Variants in ARID1B observed in about 807,000 individuals in gnomAD.
ARID1B encodes AT-rich interaction domain 1B, also known as AT-rich interactive domain-containing protein 1B.
In ARID1B, 30 loss-of-function variants were observed where a neutral mutation model predicts 212.3. That is an observed-to-expected ratio of 0.14 (90% CI 0.11 to 0.19). The LOEUF (loss-of-function observed/expected upper bound fraction) is 0.19. ARID1B is among the 10% of genes least tolerant of loss of function. The pLI is 1.00. For missense variants in ARID1B, 2,891 were observed against 3,204.0 expected (o/e 0.90, Z 2.36); for synonymous variants, 1,402 against 1,301.7 (o/e 1.08, Z -1.66).
chr6:156,780,663 C>A (rs1018584435), intron 1 of ARID1B, among the ~76,000 whole-genome samples: 1 of 152,170 alleles, frequency 6.6e-6, no homozygotes, highest in African/African-American at 2.4e-5. Context: ...AGCTCTATTA[C>A]AAGCAAATGT....
At position 157,206,746 on chromosome 6, in the gene ARID1B, C is replaced by G. The variant is rs751973216; in HGVS notation, c.5974C>G (p.Gln1992Glu). 1 of 1,613,240 alleles carries G rather than the reference C, an allele frequency of 6.2e-7. No individual in the cohort carries two copies. Among genetic ancestry groups the G allele is most frequent in the South Asian group, 1.1e-5 (1 of 91,082 alleles). ...AGGCAAAGGCGACTCTGAAGAGCAGCAAGAGAAAAGCATCATAGCAACCAT... is the reference window on the plus strand; with the variant it reads ...AGGCAAAGGCGACTCTGAAGAGCAGGAAGAGAAAAGCATCATAGCAACCAT... ...QEGKGDSEEQ[Q>E]EKSIIATIDD... The change falls in exon 20 of 20, where the codon CAA (glutamine) becomes GAA (glutamate). Residue 1992 changes from glutamine (Q) to glutamate (E), a missense_variant. Gln to Glu is a conservative substitution (Grantham distance 29). This residue lies in a region of ARID1B where 332 missense variants were observed against 369.2 expected (regional missense o/e 0.90). Transcript: ENST00000636930. The surrounding 1 kb of genome is among the most constrained non-coding windows in gnomAD (Gnocchi z 6.8).
intron 9 of ARID1B, chr6:157,168,296 A>G (rs1046600888): frequency 6.6e-6 from 1 of 152,230 alleles, no homozygotes; most frequent in East Asian, 1.9e-4. Context: ...AGAGGAACAC[A>G]TAGAAACTAG....
intron 2 of ARID1B, among the ~76,000 whole-genome samples, chr6:156,898,853 C>T (rs1480042343): frequency 6.6e-6 from 1 of 152,052 alleles, no homozygotes; most frequent in Non-Finnish European, 1.5e-5. Context: ...TGACTGTAAT[C>T]CCAGCTACTT....
At chr6:157,119,440 C>T (rs57623162) in intron 6 of ARID1B, 2,502 of 153,192 alleles carry the variant, frequency 0.016, 73 homozygotes, top group African/African-American at 0.056. Flanking sequence ...CCTGTCATCA[C>T]ACTGCTTTCT....
rs1792805445 is a variant in ARID1B, at chr6:157,184,357, C to T, written c.3841C>T (p.Arg1281Cys). The part of the protein sequence containing the change: ...YLFAFECKIE[R>C]GEEPPPEVFS... Reference sequence around the variant, plus strand: ...GTTTGCCTTTGAGTGCAAGATCGAACGTGGGGAGGAGCCCCCGCCGGAAGT... The same window carrying T: ...GTTTGCCTTTGAGTGCAAGATCGAATGTGGGGAGGAGCCCCCGCCGGAAGT... Residue 1281 changes from arginine (R) to cysteine (C), a missense_variant, in exon 13 of 20, where the codon CGT (arginine) becomes TGT (cysteine). Around this residue, in one of 7 missense-constraint regions of ARID1B, gnomAD observed 666 missense variants for 873.5 expected, o/e 0.76. Transcript: ENST00000636930. 6 of 1,614,026 alleles carry T rather than the reference C, an allele frequency of 3.7e-6. No homozygotes were observed. The highest frequency in any genetic ancestry group is 1.3e-5 in the African/African-American group (1 of 74,910).
intron 2 of ARID1B, among the ~76,000 whole-genome samples, chr6:156,840,793 C>G (rs1583141214): frequency 1.5e-5 from 2 of 133,164 alleles, no homozygotes; most frequent in Admixed American, 7.5e-5. Flanking sequence ...TGTGTCATGT[C>G]CGGGGTCTGT....
At chr6:157,193,016 A>G (rs890580367) in intron 15 of ARID1B, among the ~76,000 whole-genome samples, 2 of 152,210 alleles carry the variant, frequency 1.3e-5, no homozygotes. Context: ...AGCCCTCAGT[A>G]GCCCTGAGGG....
chr6:156,848,157 T>C (rs1369955851), intron 2 of ARID1B, among the ~76,000 whole-genome samples: 2 of 152,248 alleles, frequency 1.3e-5, no homozygotes, highest in South Asian at 2.1e-4. Flanking sequence ...TTAATACTTA[T>C]GAACCCAGAA....
chr6:156,818,098 AT>A (rs71027317), intron 1 of ARID1B, among the ~76,000 whole-genome samples: 4,505 of 61,142 alleles, frequency 0.074, 93 homozygotes, highest in Middle Eastern at 0.11. Context: ...TAGTTGCCCT[AT>A]TTTTTTTTTT....
chr6:156,852,364 T>G (rs76397960), intron 2 of ARID1B, among the ~76,000 whole-genome samples: 1 of 151,842 alleles, frequency 6.6e-6, no homozygotes, highest in East Asian at 1.9e-4. Flanking sequence ...GGGAGGACCC[T>G]TTGAGCTCAG....
chr6:157,113,591 G>A (rs1182656439), intron 6 of ARID1B, among the ~76,000 whole-genome samples: 1 of 152,138 alleles, frequency 6.6e-6, no homozygotes, highest in Admixed American at 6.5e-5. Flanking sequence ...TTCTCATGAG[G>A]TAGCACTAGG....
chr6:157,174,905 C>A lies in ARID1B; in HGVS notation c.3404C>A (p.Pro1135His). The stretch of plus-strand genomic sequence containing the variant: ...CCAACCCCAGGCAACCTGCCAGTCC[C>A]TTCCCCAATGTCCCCCAGCTCTGCT... ...QPPTPGNLPVPSPMSPSSASI... is the reference protein window; with the variant it reads ...QPPTPGNLPVHSPMSPSSASI... The change falls in exon 11 of 20, where the codon CCT becomes CAT. Residue 1135 changes from proline (P) to histidine (H), a missense_variant. Pro to His is a moderately conservative substitution (Grantham distance 77, BLOSUM62 -2). Transcript: ENST00000636930. The A allele has an allele frequency of 6.4e-7, 1 of 1,553,180 alleles. No homozygotes were observed. Among genetic ancestry groups the A allele is most frequent in the South Asian group, 1.2e-5 (1 of 83,466 alleles).
intron 6 of ARID1B, among the ~76,000 whole-genome samples, chr6:157,114,755 C>T (rs1216252085): frequency 6.6e-6 from 1 of 151,992 alleles, no homozygotes; most frequent in Non-Finnish European, 1.5e-5. Context: ...TTTAATGGCA[C>T]GGAATCTAGA....
rs146411902 is a variant in ARID1B, at chr6:157,087,652, T to C, written c.2491+2747T>C. Among the ~76,000 whole-genome samples, 347 of 152,350 alleles carry C rather than the reference T, an allele frequency of 2.3e-3. 1 individual carries two copies. The highest frequency in any genetic ancestry group is 8.1e-3 in the African/African-American group (336 of 41,570). On this transcript the variant is annotated intron_variant, in intron 5 of 19. Transcript: ENST00000636930. ...TTTAGGCAGCAAGTCTTCTGGTTCT[T>C]AATCCAGTGGTGTTTTTGTGCAATT...
chr6:156,843,066 T>G (rs912769428), intron 2 of ARID1B, among the ~76,000 whole-genome samples: 16 of 152,196 alleles, frequency 1.1e-4, no homozygotes, highest in African/African-American at 3.6e-4. Context: ...AGGGTAGTTG[T>G]TCTCTCATTG....
intron 4 of ARID1B, among the ~76,000 whole-genome samples, chr6:157,084,296 C>T (rs1185668299): frequency 6.6e-6 from 1 of 152,098 alleles, no homozygotes; most frequent in Non-Finnish European, 1.5e-5. Context: ...ATGAAGTAAT[C>T]ATTTAAGAAC....
intron 4 of ARID1B, among the ~76,000 whole-genome samples, chr6:156,977,915 C>G (rs963383004): frequency 3.9e-5 from 6 of 152,176 alleles, no homozygotes; most frequent in African/African-American, 1.4e-4. Flanking sequence ...TGCACTGATT[C>G]TGCCCACTTT....
chr6:157,209,240 T>C lies in ARID1B; in HGVS notation c.*1349T>C, dbSNP rs1794663298. ...ATATGTTCCACATGTTAAGAATAAA[T>C]GTACATTAAATCTTGTTAAGCACTG... On this transcript the variant is annotated 3_prime_UTR_variant, in exon 20 of 20. Coordinates refer to ENST00000636930, the MANE Select transcript of ARID1B (RefSeq NM_001374828.1). The C allele has an allele frequency of 4.3e-6, 1 of 231,940 alleles. No homozygotes were observed. The highest frequency in any genetic ancestry group is 8.5e-6 in the Non-Finnish European group (1 of 117,028). 14.4% of individuals were successfully genotyped at this position (231,940 alleles called of 1,614,324 possible).
At chr6:157,080,021 T>C (rs1166075453) in intron 4 of ARID1B, among the ~76,000 whole-genome samples, 1 of 152,204 alleles carries the variant, frequency 6.6e-6, no homozygotes, top group Non-Finnish European at 1.5e-5. Flanking sequence ...TGAGAAATCA[T>C]TAACTGTATC....
Sources: allele counts gnomAD v4.1 joint callset (sites outside exome capture counted in the v4.1 genomes callset), GRCh38; gene constraint gnomAD v4.1.1; regional missense constraint gnomAD v4.1.1; non-coding constraint Gnocchi (gnomAD v3.1); transcripts MANE v1.5; gene names NCBI Gene and HGNC (gene_info 2026-07-23, HGNC 2026-07-21).